Variants in HAGH observed in about 807,000 individuals in gnomAD.
HAGH encodes the protein hydroxyacylglutathione hydrolase, mitochondrial.
In HAGH, 29 loss-of-function variants were observed where a neutral mutation model predicts 35.1. The observed-to-expected ratio is 0.83, with a 90% confidence interval of 0.62 to 1.13. The LOEUF (loss-of-function observed/expected upper bound fraction) is 1.13. Ranked by LOEUF, HAGH falls within the 50% of genes most tolerant of loss-of-function variation. The pLI, the probability that HAGH is intolerant of heterozygous loss-of-function variation, is 0.00. For missense variants in HAGH, 478 were observed against 419.6 expected (o/e 1.14, Z -1.22); for synonymous variants, 225 against 176.1 (o/e 1.28, Z -2.20).
At position 1,823,055 on chromosome 16, in the gene HAGH, A is replaced by C; in HGVS notation, c.77-18T>G. On this transcript the variant is annotated intron_variant, in intron 1 of 8. Coordinates refer to ENST00000397356, the MANE Select transcript of HAGH (RefSeq NM_005326.6). ...GGCTGGACCTGCAGACACAGAGCAC[A>C]ACTCAGCGGGCAGCCGCGCCAGGCC... is the stretch of plus-strand genomic sequence containing the variant. 1 of 1,611,684 alleles carries C rather than the reference A, an allele frequency of 6.2e-7. No homozygotes were observed. Among genetic ancestry groups the C allele is most frequent in the African/African-American group, 1.3e-5 (1 of 75,022 alleles).
At chr16:1,811,232 G>A (rs532142238) in intron 7 of HAGH, among the ~76,000 whole-genome samples, 4 of 152,086 alleles carry the variant, frequency 2.6e-5, no homozygotes, top group Admixed American at 6.6e-5. Flanking sequence ...TGGGCAACAC[G>A]GTGAAACCCC....
chr16:1,817,794 A>G (rs58982009), intron 5 of HAGH, among the ~76,000 whole-genome samples: 5,503 of 152,108 alleles, frequency 0.036, 343 homozygotes, highest in African/African-American at 0.12. Flanking sequence ...CCACCCCATC[A>G]CTGCCCAGGC....
chr16:1,815,249 G>A (rs56169001), intron 7 of HAGH, among the ~76,000 whole-genome samples: 8,428 of 152,216 alleles, frequency 0.055, 249 homozygotes, highest in East Asian at 0.12. Context: ...GCATTGGTGG[G>A]GGACTGTAGA....
At chr16:1,816,752 G>A (rs986892379) in intron 7 of HAGH, 141 bp downstream of exon 7, 7 of 646,352 alleles carry the variant, frequency 1.1e-5, no homozygotes, top group Admixed American at 2.3e-5. Context: ...CGTGCAGGGC[G>A]AGCTGGGCCA....
At chr16:1,817,421 C>A (rs368922133) in intron 5 of HAGH, 150 bp from the exon 6 acceptor site, 7 of 648,170 alleles carry the variant, frequency 1.1e-5, no homozygotes, top group South Asian at 7.1e-5. Context: ...ACTCAGCCCC[C>A]CTGCATTCCG....
At chr16:1,816,666 T>G (rs1276858353) in intron 7 of HAGH, among the ~76,000 whole-genome samples, 1 of 152,176 alleles carries the variant, frequency 6.6e-6, no homozygotes, top group East Asian at 1.9e-4. Context: ...GCTGGGCGCT[T>G]TTTACACACG....
chr16:1,809,868 T>A, intron 7 of HAGH, 35 bp from the exon 8 acceptor site: 1 of 1,528,646 alleles, frequency 6.5e-7, no homozygotes, highest in Non-Finnish European at 9.1e-7. Flanking sequence ...TCACGGGAAC[T>A]TCACAGGATG....
rs373081812 is a variant in HAGH at position 1,824,195 on chromosome 16, C to A, written c.77-1158G>T. On this transcript the variant is annotated intron_variant, in intron 1 of 8. Transcript: ENST00000397356. ...CAAGATCGCCCTACTGCACTCCAGC[C>A]TGGGCAACAGAGTGAGACAGTCTCA... Among the ~76,000 whole-genome samples, 508 of 151,010 alleles carry A rather than the reference C, an allele frequency of 3.4e-3. 8 individuals are homozygous for A. In the South Asian group the frequency reaches 0.034, roughly 10 times the overall value.
intron 7 of HAGH, among the ~76,000 whole-genome samples, chr16:1,813,899 T>G (rs778244767): frequency 2.0e-5 from 3 of 152,076 alleles, no homozygotes; most frequent in Non-Finnish European, 2.9e-5. Flanking sequence ...GACTCGGGCA[T>G]AGAGGGCCCA....
intron 5 of HAGH, chr16:1,818,398 G>A (rs1898000792): frequency 2.0e-5 from 3 of 152,568 alleles, no homozygotes; most frequent in African/African-American, 7.2e-5. Flanking sequence ...GGGCTCCCTG[G>A]CCACACCTTC....
intron 5 of HAGH, chr16:1,818,835 A>C: frequency 2.3e-6 from 1 of 443,100 alleles, no homozygotes; most frequent in South Asian, 2.7e-5. Context: ...TGCTGGAAGA[A>C]ACTGACTCCT....
At chr16:1,820,071 AGCTGAGGGGG>A (rs1418997553) in intron 3 of HAGH, 57 bp from the exon 4 acceptor site, 74 of 925,230 alleles carry the variant, frequency 8.0e-5, no homozygotes, top group Non-Finnish European at 1.2e-4. Context: ...CTGCCTGCTG[AGCTGAGGGGG>A]CTGCCTGCTG....
chr16:1,810,976 C>G (rs940026214), intron 7 of HAGH: 9 of 152,210 alleles, frequency 5.9e-5, no homozygotes, highest in East Asian at 5.8e-4. Context: ...CTGCCTCCTA[C>G]GAGGGAAGCA....
rs547388604 is a variant in HAGH at position 1,818,185 on chromosome 16, C to T, written c.542-914G>A. On this transcript the variant is annotated intron_variant, in intron 5 of 8. Coordinates refer to ENST00000397356, the MANE Select transcript of HAGH (RefSeq NM_005326.6). ...CAGGGCTGTCCTTGCGCCAGGCACA[C>T]AGCCCAGGAGGCACAGGTGAGACCC... Among the ~76,000 whole-genome samples the T allele has an allele frequency of 3.3e-5, 5 of 152,270 alleles. No homozygotes were observed. The East Asian group carries it at 9.7e-4, about 29-fold the overall frequency.
chr16:1,820,892 A>G (rs1488624720), intron 3 of HAGH, among the ~76,000 whole-genome samples: 1 of 152,198 alleles, frequency 6.6e-6, no homozygotes, highest in East Asian at 1.9e-4. Flanking sequence ...CACCCCGCTG[A>G]AGCTATGGCC....
At position 1,809,240 on chromosome 16, in the gene HAGH, A is replaced by G. The variant is rs764131368; in HGVS notation, c.*43T>C. 7.3e-7 allele frequency: 1 copy of G among 1,365,794 alleles called. No individual in the cohort carries two copies. The highest frequency in any genetic ancestry group is 1.9e-5 in the Admixed American group (1 of 53,450). The allele number at this position is 1,365,794 out of a possible 1,614,324, so 84.6% of individuals were successfully genotyped here. The stretch of plus-strand genomic sequence containing the variant: ...GGACCAGCAGGAAAGCCAGTTACCT[A>G]AAAGAGCCTAATCCCCAAATCCGCT... On this transcript the variant is annotated 3_prime_UTR_variant, in exon 9 of 9. Coordinates refer to ENST00000397356, the MANE Select transcript of HAGH (RefSeq NM_005326.6).
At chr16:1,821,497 C>T (rs1389341640) in intron 3 of HAGH, 1 of 152,260 alleles carries the variant, frequency 6.6e-6, no homozygotes, top group Non-Finnish European at 1.5e-5. Flanking sequence ...GTCTCTCTAG[C>T]TTTGAAGAGC....
In HAGH at chr16:1,822,955, C is replaced by T; in HGVS notation, c.159G>A (p.Val53=). Residue 53 remains valine (V), a synonymous_variant, in exon 2 of 9, where the codon GTG becomes GTA. Transcript: ENST00000397356. ...TGTAGTTGTCGGTCAGGGCAGGCAGCACCTCTACCTTCATGGTGCCCTCGT... is the reference window on the plus strand; with the variant it reads ...TGTAGTTGTCGGTCAGGGCAGGCAGTACCTCTACCTTCATGGTGCCCTCGT... The part of the protein sequence containing the change: ...TVDEGTMKVE[V]LPALTDNYMY... 1 of 1,613,544 alleles carries T rather than the reference C, an allele frequency of 6.2e-7. No homozygotes were observed.
chr16:1,821,328 C>T (rs2268670), intron 3 of HAGH, among the ~76,000 whole-genome samples: 27,550 of 152,108 alleles, frequency 0.18, 2,635 homozygotes, highest in South Asian at 0.27. Context: ...ACCAGCACAG[C>T]GCTCCCACCA....
Sources: allele counts gnomAD v4.1 joint callset (sites outside exome capture counted in the v4.1 genomes callset), GRCh38; gene constraint gnomAD v4.1.1; transcripts MANE v1.5; gene names NCBI Gene and HGNC (gene_info 2026-07-23, HGNC 2026-07-21).